Variants in MYO3A observed in about 807,000 individuals in gnomAD.
MYO3A encodes myosin IIIA, also known as myosin-IIIa.
In MYO3A, 180 loss-of-function variants were observed where a neutral mutation model predicts 192.7. The ratio of observed to expected loss-of-function variants is 0.93; its 90% CI spans 0.83 to 1.06. The LOEUF is 1.06. Among genes scored for constraint, MYO3A ranks in the 50% least tolerant of loss-of-function variants. The pLI is 0.00. For synonymous variants in MYO3A, 628 were observed against 645.3 expected (o/e 0.97, Z 0.41); for missense variants, 1,896 against 1,905.0 (o/e 1.00, Z 0.09).
At chr10:25,970,080 A>T (rs1015855684) in intron 4 of MYO3A, among the ~76,000 whole-genome samples, 3 of 152,156 alleles carry the variant, frequency 2.0e-5, no homozygotes, top group African/African-American at 7.2e-5. Context: ...AGAGAAATGA[A>T]AAAAGAAATA....
chr10:26,048,640 C>G (rs183245043), intron 10 of MYO3A, among the ~76,000 whole-genome samples: 1 of 152,162 alleles, frequency 6.6e-6, no homozygotes, highest in East Asian at 1.9e-4. Context: ...TGTTCCCTGT[C>G]CATGAATGAT....
intron 14 of MYO3A, among the ~76,000 whole-genome samples, chr10:26,075,750 GATATATATATGTCTCTCTC>G (rs1835520128): frequency 7.3e-6 from 1 of 136,182 alleles, no homozygotes; most frequent in Non-Finnish European, 1.5e-5. Flanking sequence ...TCATATATAT[GATATATATATGTCTCTCTC>G]ATATATATAT....
intron 15 of MYO3A, among the ~76,000 whole-genome samples, chr10:26,094,785 A>G (rs1462002833): frequency 2.0e-5 from 3 of 152,216 alleles, no homozygotes; most frequent in African/African-American, 4.8e-5. Flanking sequence ...ATTATACTGC[A>G]TAATATACAG....
intron 17 of MYO3A, among the ~76,000 whole-genome samples, chr10:26,107,895 A>C (rs1395600046): frequency 6.6e-6 from 1 of 152,042 alleles, no homozygotes; most frequent in Non-Finnish European, 1.5e-5. Flanking sequence ...ATTGGTTTTA[A>C]TTTGATTTTT....
At position 26,086,297 on chromosome 10, in the gene MYO3A, G is replaced by T. The variant is rs184743906; in HGVS notation, c.1360-1906G>T. 2.7e-3 allele frequency among the ~76,000 whole-genome samples: 407 copies of T among 152,190 alleles called. 2 individuals are homozygous for T. The highest frequency in any genetic ancestry group is 9.2e-3 in the African/African-American group (383 of 41,536). On this transcript the variant is annotated intron_variant, in intron 14 of 34. Coordinates refer to ENST00000642920, the MANE Select transcript of MYO3A (RefSeq NM_017433.5). ...CATGAGAACTCAGTCATTATCACAA[G>T]AACAGTGAGGGGGAAATCCGCCCCC...
intron 4 of MYO3A, among the ~76,000 whole-genome samples, chr10:25,967,591 A>G (rs1838343949): frequency 6.6e-6 from 1 of 152,240 alleles, no homozygotes; most frequent in Non-Finnish European, 1.5e-5. Context: ...AGATTCAGGA[A>G]TATGCAGCCC....
At chr10:26,123,652 C>A (rs1226271458) in intron 18 of MYO3A, among the ~76,000 whole-genome samples, 2 of 152,102 alleles carry the variant, frequency 1.3e-5, no homozygotes, top group Non-Finnish European at 2.9e-5. Context: ...TTCAGCCAGG[C>A]CCAGTGGCTC....
At chr10:25,990,412 C>T (rs1839939370) in intron 4 of MYO3A, among the ~76,000 whole-genome samples, 1 of 151,876 alleles carries the variant, frequency 6.6e-6, no homozygotes. Context: ...TATCATAAAT[C>T]AATAATGCTT....
chr10:25,946,625 A>T (rs995750978), intron 2 of MYO3A, among the ~76,000 whole-genome samples: 7 of 151,316 alleles, frequency 4.6e-5, no homozygotes, highest in African/African-American at 1.7e-4. Flanking sequence ...CACACCGGTA[A>T]TCCCAGCACT....
intron 7 of MYO3A, among the ~76,000 whole-genome samples, chr10:26,020,466 A>C (rs1842244413): frequency 6.6e-6 from 1 of 152,172 alleles, no homozygotes; most frequent in Non-Finnish European, 1.5e-5. Flanking sequence ...GTTAAGCCTG[A>C]TGTTAAGTGA....
At chr10:26,064,014 T>C (rs1337355143) in intron 10 of MYO3A, among the ~76,000 whole-genome samples, 1 of 152,168 alleles carries the variant, frequency 6.6e-6, no homozygotes, top group Non-Finnish European at 1.5e-5. Flanking sequence ...TACTCTGTCT[T>C]ACTAGTACCA....
intron 17 of MYO3A, among the ~76,000 whole-genome samples, chr10:26,109,258 C>T (rs973438814): frequency 6.6e-6 from 1 of 152,192 alleles, no homozygotes; most frequent in Non-Finnish European, 1.5e-5. Context: ...CAGACAGTAT[C>T]TGTAACAATG....
chr10:26,147,954 A>C (rs1840571423), intron 23 of MYO3A, among the ~76,000 whole-genome samples: 1 of 152,196 alleles, frequency 6.6e-6, no homozygotes, highest in Non-Finnish European at 1.5e-5. Flanking sequence ...TGTTCCACCC[A>C]ACCATAATAC....
chr10:25,934,436 C>G (rs1835904806), intron 1 of MYO3A, 108 bp downstream of exon 1: 1 of 152,206 alleles, frequency 6.6e-6, no homozygotes, highest in Non-Finnish European at 1.5e-5. Flanking sequence ...GCTTGCAGGG[C>G]GGGCCCGGGG....
rs142198630 is a variant in MYO3A at position 26,140,073 on chromosome 10, T to C, written c.2263-3375T>C. On this transcript the variant is annotated intron_variant, in intron 20 of 34. Coordinates refer to ENST00000642920, the MANE Select transcript of MYO3A (RefSeq NM_017433.5). Reference sequence around the variant, plus strand: ...AAGGGAAATTGCTGAATTAGGAAGATGAAGGAAGGTCTCTCTGAGGAGGTG... The same window carrying C: ...AAGGGAAATTGCTGAATTAGGAAGACGAAGGAAGGTCTCTCTGAGGAGGTG... Among the ~76,000 whole-genome samples, 225 of 152,244 alleles carry C rather than the reference T, an allele frequency of 1.5e-3. 2 individuals are homozygous for C. The highest frequency in any genetic ancestry group is 5.2e-3 in the African/African-American group (218 of 41,550).
At chr10:26,120,461 T>G (rs1838786637) in intron 17 of MYO3A, among the ~76,000 whole-genome samples, 1 of 152,218 alleles carries the variant, frequency 6.6e-6, no homozygotes. Flanking sequence ...TTTAAGCACT[T>G]AAAATTTATT....
intron 17 of MYO3A, among the ~76,000 whole-genome samples, chr10:26,107,136 A>G (rs1203430148): frequency 2.0e-5 from 3 of 152,056 alleles, no homozygotes; most frequent in Admixed American, 6.6e-5. Flanking sequence ...CAGCACCCCA[A>G]GTAATTCTTA....
At chr10:26,005,829 A>G (rs7913074) in intron 6 of MYO3A, among the ~76,000 whole-genome samples, 14,328 of 152,106 alleles carry the variant, frequency 0.094, 1,189 homozygotes, top group African/African-American at 0.21. Flanking sequence ...CAGAGTTTTC[A>G]AATGCTCATA....
intron 10 of MYO3A, among the ~76,000 whole-genome samples, chr10:26,044,243 G>A (rs903976786): frequency 2.0e-5 from 3 of 152,204 alleles, no homozygotes; most frequent in African/African-American, 7.2e-5. Flanking sequence ...TGGAAAGAAA[G>A]ATTCTGTTTT....
Sources: gnomAD v4.1 joint callset for allele counts (sites outside exome capture counted in the v4.1 genomes callset) on GRCh38, gnomAD v4.1.1 for gene constraint, MANE v1.5 for transcripts, NCBI Gene and HGNC (gene_info 2026-07-23, HGNC 2026-07-21) for gene names.